The following LRRTM4 variants were observed in gnomAD, a reference collection of about 807,000 sequenced individuals.
LRRTM4 encodes the protein leucine rich repeat transmembrane neuronal 4.
LRRTM4 carries 25 observed loss-of-function variants against 47.6 expected under a neutral mutation model. The ratio of observed to expected loss-of-function variants is 0.53; its 90% confidence interval spans 0.38 to 0.73. LRRTM4 has a LOEUF of 0.73. Ranked by LOEUF, LRRTM4 falls within the 30% of genes least tolerant of loss-of-function variation. The pLI, the probability that LRRTM4 is intolerant of heterozygous loss-of-function variation, is 0.00. For missense variants in LRRTM4, 638 were observed against 713.4 expected (o/e 0.89, Z 1.20); for synonymous variants, 311 against 269.5 (o/e 1.15, Z -1.51).
chr2:76,931,763 A>G (rs1674776592), intron 3 of LRRTM4, among the ~76,000 whole-genome samples: 1 of 152,116 alleles, frequency 6.6e-6, no homozygotes, highest in Non-Finnish European at 1.5e-5. Flanking sequence ...GTCCAGGTTT[A>G]CCAGCATAAA....
rs5832290 is a variant in LRRTM4 at position 77,521,837 on chromosome 2, CA to C, written c.-147-20del. Reference sequence around the variant, plus strand: ...ATACAAACTTCCCCGAGAGGACAGGCAAAAAAAAAAAAAAAAAATACATATA... The same window carrying C: ...ATACAAACTTCCCCGAGAGGACAGGCAAAAAAAAAAAAAAAAATACATATA... On this transcript the variant is annotated intron_variant, in intron 1 of 3. Transcript: ENST00000409884. 63,963 of 155,638 alleles carry C rather than the reference CA, an allele frequency of 0.41. 6,372 individuals carry two copies. The highest frequency in any genetic ancestry group is 0.52 in the Admixed American group (5,723 of 11,004). 9.6% of individuals were successfully genotyped at this position (155,638 alleles called of 1,614,324 possible).
At chr2:76,915,570 T>G (rs919259576) in intron 3 of LRRTM4, among the ~76,000 whole-genome samples, 16 of 152,216 alleles carry the variant, frequency 1.1e-4, no homozygotes, top group African/African-American at 3.9e-4. Flanking sequence ...CTTTGTCACT[T>G]AAGTAAATCT....
rs560581828 is a variant in LRRTM4 at position 77,128,307 on chromosome 2, T to C, written c.1552-379391A>G. Among the ~76,000 whole-genome samples, 3 of 152,242 alleles carry C rather than the reference T, an allele frequency of 2.0e-5. No individual in the cohort carries two copies. In the East Asian group the frequency reaches 5.8e-4, roughly 29 times the overall value. Reference sequence around the variant, plus strand: ...TGTCATTTTAAAGCAGTTGGTATGATTTGACTGTTTTCTTTACTTGGAATT... The same window carrying C: ...TGTCATTTTAAAGCAGTTGGTATGACTTGACTGTTTTCTTTACTTGGAATT... On this transcript the variant is annotated intron_variant, in intron 3 of 3. Coordinates refer to ENST00000409884, the MANE Select transcript of LRRTM4 (RefSeq NM_001134745.3).
intron 3 of LRRTM4, among the ~76,000 whole-genome samples, chr2:76,861,080 T>C (rs1460854775): frequency 6.6e-6 from 1 of 152,134 alleles, no homozygotes; most frequent in Non-Finnish European, 1.5e-5. Flanking sequence ...TCTTACTTAC[T>C]ATTTACTGGT....
At chr2:77,430,106 G>C (rs547617597) in intron 3 of LRRTM4, among the ~76,000 whole-genome samples, 1 of 152,024 alleles carries the variant, frequency 6.6e-6, no homozygotes, top group Admixed American at 6.5e-5. Context: ...GCTAACTAGA[G>C]TTAATAATAA....
intron 3 of LRRTM4, among the ~76,000 whole-genome samples, chr2:77,099,566 A>T (rs1670897831): frequency 6.6e-6 from 1 of 152,020 alleles, no homozygotes; most frequent in Non-Finnish European, 1.5e-5. Context: ...AGTGGTATCT[A>T]GGACAACTTC....
intron 3 of LRRTM4, among the ~76,000 whole-genome samples, chr2:76,910,285 G>A (rs1157294563): frequency 6.9e-6 from 1 of 144,090 alleles, no homozygotes; most frequent in African/African-American, 2.6e-5. Context: ...TCATAGGTGG[G>A]AATTGAACAA....
intron 3 of LRRTM4, among the ~76,000 whole-genome samples, chr2:76,897,708 C>A (rs965090942): frequency 6.6e-6 from 1 of 152,138 alleles, no homozygotes; most frequent in Non-Finnish European, 1.5e-5. Context: ...TAATCACTGG[C>A]TGGGCTATGA....
intron 3 of LRRTM4, among the ~76,000 whole-genome samples, chr2:76,837,757 C>A (rs1037061652): frequency 1.3e-5 from 2 of 151,914 alleles, no homozygotes; most frequent in African/African-American, 4.8e-5. Context: ...TATGCAGCCA[C>A]AAAAAATTAT....
intron 3 of LRRTM4, among the ~76,000 whole-genome samples, chr2:77,286,413 C>T (rs1444185523): frequency 6.6e-6 from 1 of 151,564 alleles, no homozygotes; most frequent in Non-Finnish European, 1.5e-5. Context: ...AATAATCATA[C>T]TCTTTAATTA....
At chr2:76,846,612 C>T (rs11903113) in intron 3 of LRRTM4, among the ~76,000 whole-genome samples, 55,913 of 149,144 alleles carry the variant, frequency 0.37, 11,008 homozygotes, top group East Asian at 0.65. Context: ...GAAACACTCA[C>T]TTAATCAAAA....
At chr2:77,499,207 T>C (rs1220274785) in intron 3 of LRRTM4, among the ~76,000 whole-genome samples, 1 of 151,934 alleles carries the variant, frequency 6.6e-6, no homozygotes, top group African/African-American at 2.4e-5. Flanking sequence ...AAGGCATGTT[T>C]ACCACAATGC....
At chr2:77,110,673 C>A (rs1671225011) in intron 3 of LRRTM4, among the ~76,000 whole-genome samples, 1 of 151,916 alleles carries the variant, frequency 6.6e-6, no homozygotes, top group African/African-American at 2.4e-5. Context: ...ATATACCATG[C>A]AATATTGAAG....
At chr2:77,438,952 A>C (rs1675722116) in intron 3 of LRRTM4, among the ~76,000 whole-genome samples, 3 of 152,302 alleles carry the variant, frequency 2.0e-5, no homozygotes, top group Non-Finnish European at 2.9e-5. Context: ...ATTGAACTAT[A>C]CTTAACAACA....
intron 3 of LRRTM4, among the ~76,000 whole-genome samples, chr2:76,811,522 GGCCATTC>G (rs1446078699): frequency 6.6e-6 from 1 of 152,128 alleles, no homozygotes; most frequent in Non-Finnish European, 1.5e-5. Flanking sequence ...GCTTAGCTAA[GGCCATTC>G]ATCTGATGGA....
Position 76,777,241 on chromosome 2 carries a change from G to A in LRRTM4, c.1552-28325C>T, listed in dbSNP as rs560036355. Among the ~76,000 whole-genome samples the A allele has an allele frequency of 2.1e-3, 309 of 150,118 alleles. 24 individuals are homozygous for A. The South Asian group carries it at 0.04, about 20-fold the overall frequency. Reference sequence around the variant, plus strand: ...GGCTTAGGATTGACTTGGCCATGCGGGCTCTTTTTTGGTTCCATATGAACT... The same window carrying A: ...GGCTTAGGATTGACTTGGCCATGCGAGCTCTTTTTTGGTTCCATATGAACT... On this transcript the variant is annotated intron_variant, in intron 3 of 3. Transcript: ENST00000409884.
intron 3 of LRRTM4, among the ~76,000 whole-genome samples, chr2:77,075,028 T>A (rs1408795980): frequency 6.6e-6 from 1 of 152,098 alleles, no homozygotes; most frequent in African/African-American, 2.4e-5. Flanking sequence ...ACCAAAACTG[T>A]CTCTGAGACA....
intron 3 of LRRTM4, among the ~76,000 whole-genome samples, chr2:77,221,128 T>C (rs1303074441): frequency 6.6e-6 from 1 of 152,104 alleles, no homozygotes; most frequent in Non-Finnish European, 1.5e-5. Context: ...GAAGGAGAAA[T>C]AAAATACTTT....
intron 3 of LRRTM4, among the ~76,000 whole-genome samples, chr2:77,307,483 T>C (rs1380308191): frequency 6.8e-6 from 1 of 147,248 alleles, no homozygotes; most frequent in Non-Finnish European, 1.5e-5. Context: ...TATACATACA[T>C]AATACATGTC....
Sources: gnomAD v4.1 joint callset for allele counts (sites outside exome capture counted in the v4.1 genomes callset) on GRCh38, gnomAD v4.1.1 for gene constraint, MANE v1.5 for transcripts, NCBI Gene and HGNC (gene_info 2026-07-23, HGNC 2026-07-21) for gene names.